HTR2C: variants seen among roughly 807,000 people sequenced by gnomAD.
The protein encoded by HTR2C is 5-hydroxytryptamine receptor 2C.
A neutral mutation model predicts 21.0 loss-of-function variants in HTR2C; 5 were observed. That is an observed-to-expected ratio of 0.24 (90% CI 0.12 to 0.50). The LOEUF (loss-of-function observed/expected upper bound fraction) is 0.50, where lower values mean the gene tolerates loss of function less well. HTR2C is among the 20% of genes least tolerant of loss of function. HTR2C has a pLI of 0.98. For synonymous variants in HTR2C, 150 were observed against 145.3 expected (o/e 1.03, Z -0.23); for missense variants, 271 against 371.2 (o/e 0.73, Z 2.22).
intron 5 of HTR2C, among the ~76,000 whole-genome samples, chrX:114,897,066 C>T (rs1299002278): frequency 6.3e-5 from 7 of 111,531 alleles, no homozygotes; most frequent in African/African-American, 2.3e-4. Flanking sequence ...TATCTTATCT[C>T]ATAAGCATCC....
intron 2 of HTR2C, among the ~76,000 whole-genome samples, chrX:114,644,887 A>G (rs2147829411): frequency 9.0e-6 from 1 of 111,019 alleles, no homozygotes; most frequent in South Asian, 3.9e-4. Context: ...GTGGCTGAGG[A>G]TGTCAGGGTA....
chrX:114,634,521 A>G (rs1281811946), intron 2 of HTR2C, among the ~76,000 whole-genome samples: 1 of 111,716 alleles, frequency 9.0e-6, no homozygotes, highest in Non-Finnish European at 1.9e-5. Flanking sequence ...TGTGGTCTGT[A>G]AATTGTGGCC....
At chrX:114,774,142 TATA>T (rs1309069437) in intron 4 of HTR2C, among the ~76,000 whole-genome samples, 1 of 112,177 alleles carries the variant, frequency 8.9e-6, no homozygotes, top group African/African-American at 3.2e-5. Flanking sequence ...GAGTTTATAA[TATA>T]ATTATGTGTA....
Position 114,847,998 on chromosome X carries a change from T to C in HTR2C, c.350-5T>C. The C allele has an allele frequency of 8.4e-7, 1 of 1,196,353 alleles. No homozygotes were observed. The highest frequency in any genetic ancestry group is 1.1e-6 in the Non-Finnish European group (1 of 882,250). ...TGTTCTTGTCTTCTCTCTGTTCTCT[T>C]TCAGATTATGTCTGGCCACTACCTA... On this transcript the variant is annotated splice_polypyrimidine_tract_variant and splice_region_variant and intron_variant, in intron 4 of 5. Transcript: ENST00000276198.
chrX:114,890,968 T>C (rs782490703), intron 5 of HTR2C, among the ~76,000 whole-genome samples: 7 of 111,575 alleles, frequency 6.3e-5, no homozygotes, highest in Non-Finnish European at 1.3e-4. Context: ...ATACCTATAT[T>C]AAGCCACTTA....
At chrX:114,870,864 A>C (rs1367507692) in intron 5 of HTR2C, among the ~76,000 whole-genome samples, 1 of 111,763 alleles carries the variant, frequency 8.9e-6, no homozygotes. Flanking sequence ...ATTTCAAAAA[A>C]ACTACCTTTT....
chrX:114,836,507 G>T (rs2070785981), intron 4 of HTR2C, among the ~76,000 whole-genome samples: 1 of 112,250 alleles, frequency 8.9e-6, no homozygotes, highest in Admixed American at 9.4e-5. Flanking sequence ...ACTCAGAAAG[G>T]GAACTCCCTG....
At chrX:114,864,900 C>CTTTTTTT (rs71947180) in intron 5 of HTR2C, among the ~76,000 whole-genome samples, 1 of 84,737 alleles carries the variant, frequency 1.2e-5, no homozygotes, top group African/African-American at 4.1e-5. Context: ...TTTTCTTTTT[C>CTTTTTTT]TTTTTTTTTT....
chrX:114,869,037 T>A (rs1303095264), intron 5 of HTR2C, among the ~76,000 whole-genome samples: 1 of 104,963 alleles, frequency 9.5e-6, no homozygotes, highest in Admixed American at 1.0e-4. Context: ...TTCCCCGCCC[T>A]CTGTCCAAGT....
chrX:114,874,155 T>A (rs2147512666), intron 5 of HTR2C, among the ~76,000 whole-genome samples: 1 of 111,579 alleles, frequency 9.0e-6, no homozygotes, highest in East Asian at 2.8e-4. Flanking sequence ...TGTGTGTGTG[T>A]GTGTCATATT....
At chrX:114,689,208 G>GTATATATA (rs58916694) in intron 2 of HTR2C, among the ~76,000 whole-genome samples, 19,183 of 72,323 alleles carry the variant, frequency 0.27, 2,454 homozygotes, top group East Asian at 0.44. Context: ...GTATGTATGC[G>GTATATATA]TATATATATA....
chrX:114,700,687 G>C (rs781955835), intron 2 of HTR2C, among the ~76,000 whole-genome samples: 178 of 112,459 alleles, frequency 1.6e-3, no homozygotes, highest in African/African-American at 5.6e-3. Context: ...AATCTCACTA[G>C]GGAGTGCCAG....
chrX:114,649,858 G>T (rs996064768), intron 2 of HTR2C, among the ~76,000 whole-genome samples: 7 of 110,965 alleles, frequency 6.3e-5, no homozygotes, highest in Non-Finnish European at 1.1e-4. Flanking sequence ...CAAGTGATCC[G>T]CCTGCCTTGG....
At chrX:114,718,049 G>T (rs369836313) in intron 2 of HTR2C, among the ~76,000 whole-genome samples, 1 of 110,820 alleles carries the variant, frequency 9.0e-6, no homozygotes, top group African/African-American at 3.3e-5. Flanking sequence ...TTGAGACAGG[G>T]TCTCACTGTG....
At chrX:114,736,220 A>T (rs2069589518) in intron 4 of HTR2C, among the ~76,000 whole-genome samples, 1 of 111,792 alleles carries the variant, frequency 8.9e-6, no homozygotes, top group South Asian at 3.7e-4. Context: ...ATAAACTCGA[A>T]TGAAGAAGCT....
intron 4 of HTR2C, among the ~76,000 whole-genome samples, chrX:114,824,641 T>TG (rs1247904841): frequency 3.6e-5 from 4 of 111,735 alleles, no homozygotes; most frequent in Non-Finnish European, 3.8e-5. Context: ...CCAAAGACTT[T>TG]GGGGTTCTAA....
At position 114,761,958 on chromosome X, in the gene HTR2C, T is replaced by TACTATATATAC. The variant is rs1202281589; in HGVS notation, c.349+30353_349+30354insTATATATACAC. On this transcript the variant is annotated intron_variant, in intron 4 of 5. Transcript: ENST00000276198. Reference sequence around the variant, plus strand: ...ATATGTGTATATATACGTGTATATATACATATATGTGTATATATACGTGTA... The same window carrying TACTATATATAC: ...ATATGTGTATATATACGTGTATATATACTATATATACACATATATGTGTATATATACGTGTA... Among the ~76,000 whole-genome samples the TACTATATATAC allele has an allele frequency of 2.8e-5, 3 of 105,945 alleles. 1 individual carries two copies. The highest frequency in any genetic ancestry group is 1.1e-4 in the African/African-American group (3 of 26,437). 92.0% of individuals were successfully genotyped at this position (105,945 alleles called of 115,157 possible). A position where few individuals can be genotyped will look rare whatever the true frequency, so the allele number is the denominator to read the frequency against.
chrX:114,666,903 A>G (rs782102695), intron 2 of HTR2C, among the ~76,000 whole-genome samples: 1 of 111,758 alleles, frequency 8.9e-6, no homozygotes, highest in East Asian at 2.8e-4. Flanking sequence ...TTAAAAAATT[A>G]CTTAGCAACT....
chrX:114,787,386 G>A (rs1459466943), intron 4 of HTR2C, among the ~76,000 whole-genome samples: 2 of 111,807 alleles, frequency 1.8e-5, no homozygotes, highest in African/African-American at 3.3e-5. Flanking sequence ...GTAGAACACA[G>A]AGGAGTATGA....
Sources: allele counts gnomAD v4.1 joint callset (sites outside exome capture counted in the v4.1 genomes callset), GRCh38; gene constraint gnomAD v4.1.1; transcripts MANE v1.5; gene names NCBI Gene and HGNC (gene_info 2026-07-23, HGNC 2026-07-21).